Variants in HIF1AN observed in about 807,000 individuals in gnomAD.
The protein encoded by HIF1AN is hypoxia inducible factor 1 subunit alpha inhibitor.
A neutral mutation model predicts 47.7 loss-of-function variants in HIF1AN; 21 were observed. The observed-to-expected ratio is 0.44, with a 90% CI of 0.31 to 0.63. The LOEUF is 0.63. HIF1AN is among the 30% of genes least tolerant of loss of function. The pLI is 0.07. For missense variants in HIF1AN, 320 were observed against 432.7 expected, an observed-to-expected ratio of 0.74 and a Z score of 2.31; for synonymous variants, 152 against 155.9, an observed-to-expected ratio of 0.98 and a Z score of 0.18.
rs777658624 is a variant in HIF1AN, at chr10:100,540,651, C to T, written c.446C>T (p.Thr149Met). ...GGEERLYLQQ[T>M]LNDTVGRKIV... ...GAACATAGGTTGTATCTGCAGCAAA[C>T]GCTCAATGACACTGTGGGCAGGAAG... Residue 149 changes from threonine (T) to methionine (M), a missense_variant, in exon 3 of 8, where the codon ACG (threonine) becomes ATG (methionine). Thr to Met is a moderately conservative substitution (Grantham distance 81, BLOSUM62 -1). Transcript: ENST00000299163. The T allele has an allele frequency of 3.1e-6, 5 of 1,613,632 alleles. No homozygotes were observed. The highest frequency in any genetic ancestry group is 2.2e-5 in the East Asian group (1 of 44,848).
chr10:100,546,463 T>TC, intron 5 of HIF1AN, 55 bp from the exon 6 acceptor site: 4 of 323,196 alleles, frequency 1.2e-5, no homozygotes, highest in South Asian at 3.5e-5. Flanking sequence ...ACTTCGCCCC[T>TC]CCGCCCCCGC....
chr10:100,543,493 G>A (rs1328431606), intron 3 of HIF1AN, among the ~76,000 whole-genome samples: 3 of 152,196 alleles, frequency 2.0e-5, no homozygotes, highest in Middle Eastern at 3.4e-3. Context: ...GATTACAGAC[G>A]TGAGCCACTG....
chr10:100,542,272 T>G (rs965584542), intron 3 of HIF1AN, among the ~76,000 whole-genome samples: 1 of 152,210 alleles, frequency 6.6e-6, no homozygotes, highest in Admixed American at 6.5e-5. Flanking sequence ...CTCTACTAGA[T>G]CTGTCTATAT....
intron 2 of HIF1AN, among the ~76,000 whole-genome samples, chr10:100,538,591 G>A (rs1227797101): frequency 6.6e-6 from 1 of 152,074 alleles, no homozygotes; most frequent in Non-Finnish European, 1.5e-5. Context: ...AGCACTTCGG[G>A]AGGCAGATCA....
Position 100,554,376 on chromosome 10 carries a change from C to T in HIF1AN, c.*6239C>T, listed in dbSNP as rs1843196016. 6.6e-6 allele frequency: 1 copy of T among 152,286 alleles called. No homozygotes were observed. 9.4% of individuals were successfully genotyped at this position (152,286 alleles called of 1,614,324 possible). A position where few individuals can be genotyped will look rare whatever the true frequency, so the allele number is the denominator to read the frequency against. ...TGTTGGCCAGGTGTGGTGGCTCACA[C>T]CTGTAATCCCAGCACTTCGGGAGGC... On this transcript the variant is annotated 3_prime_UTR_variant, in exon 8 of 8. Coordinates refer to ENST00000299163, the MANE Select transcript of HIF1AN (RefSeq NM_017902.3).
Position 100,536,117 on chromosome 10 carries a change from G to A in HIF1AN, c.159G>A (p.Glu53=). The change falls in exon 1 of 8, where the codon GAG becomes GAA. Residue 53 remains glutamate, a synonymous_variant. Transcript: ENST00000299163. ...TGAGTCAGAGCGACCCCCGGGCAGA[G>A]GAGCTTATTGAGAATGAGGTGGGGG... ...PRLSQSDPRA[E]ELIENEEPVV... is the part of the protein sequence containing the mutation. 6.3e-7 allele frequency: 1 copy of A among 1,599,368 alleles called. No homozygotes were observed. Among genetic ancestry groups the A allele is most frequent in the South Asian group, 1.1e-5 (1 of 89,510 alleles).
chr10:100,547,888 G>C (rs144590990), intron 7 of HIF1AN, among the ~76,000 whole-genome samples: 2 of 152,086 alleles, frequency 1.3e-5, no homozygotes, highest in Non-Finnish European at 2.9e-5. Flanking sequence ...AAGAATAATA[G>C]TACAAGATGG....
Position 100,559,180 on chromosome 10 carries a change from A to G in HIF1AN, c.*11043A>G, listed in dbSNP as rs1564667703. 1 of 152,194 alleles carries G rather than the reference A, an allele frequency of 6.6e-6. No individual in the cohort carries two copies. Among genetic ancestry groups the G allele is most frequent in the Non-Finnish European group, 1.5e-5 (1 of 68,038 alleles). 9.4% of individuals were successfully genotyped at this position (152,194 alleles called of 1,614,324 possible). On this transcript the variant is annotated 3_prime_UTR_variant, in exon 8 of 8. Coordinates refer to ENST00000299163, the MANE Select transcript of HIF1AN (RefSeq NM_017902.3). ...AAGATTTCCTGTATTTATAAACTTA[A>G]TTTATTGGAAATATAAGTACTTGAT...
rs752353560 is a variant in HIF1AN, at chr10:100,548,117, A to G, written c.1030A>G (p.Ile344Val). The G allele has an allele frequency of 6.2e-7, 1 of 1,612,754 alleles. No individual in the cohort carries two copies. Among genetic ancestry groups the G allele is most frequent in the African/African-American group, 1.3e-5 (1 of 74,866 alleles). Reference sequence around the variant, plus strand: ...GGTGGGGCCCTTGTTGAACACAATGATCAAGGGCCGATACAACTAGCCTGC... The same window carrying G: ...GGTGGGGCCCTTGTTGAACACAATGGTCAAGGGCCGATACAACTAGCCTGC... ...QEVGPLLNTM[I>V]KGRYN Residue 344 changes from isoleucine (I) to valine (V), a missense_variant, in exon 8 of 8, where the codon ATC (isoleucine) becomes GTC (valine). This residue lies in a region of HIF1AN where 161 missense variants were observed against 272.8 expected (regional missense o/e 0.59). Coordinates refer to ENST00000299163, the MANE Select transcript of HIF1AN (RefSeq NM_017902.3).
chr10:100,538,455 ATAATTATT>A (rs1381370046), intron 2 of HIF1AN, among the ~76,000 whole-genome samples: 1 of 152,174 alleles, frequency 6.6e-6, no homozygotes, highest in Non-Finnish European at 1.5e-5. Flanking sequence ...GGGTGAATAT[ATAATTATT>A]ATCTTTGGGG....
At position 100,548,179 on chromosome 10, in the gene HIF1AN, C is replaced by A; in HGVS notation, c.*42C>A. 1.3e-6 allele frequency: 2 copies of A among 1,534,616 alleles called. No homozygotes were observed. Among genetic ancestry groups the A allele is most frequent in the Non-Finnish European group, 1.8e-6 (2 of 1,126,668 alleles). ...GCCTCCTGCCAGGTGACTGCTATCC[C>A]GTCCACACCGCTTCATTGATGAGGA... On this transcript the variant is annotated 3_prime_UTR_variant, in exon 8 of 8. Coordinates refer to ENST00000299163, the MANE Select transcript of HIF1AN (RefSeq NM_017902.3).
Position 100,545,010 on chromosome 10 carries a change from T to G in HIF1AN, c.637T>G (p.Tyr213Asp). 6.2e-7 allele frequency: 1 copy of G among 1,614,240 alleles called. No individual in the cohort carries two copies. The highest frequency in any genetic ancestry group is 2.2e-5 in the East Asian group (1 of 44,886). ...GAACTTTTTTGCTCAGATAAAAGGT[T>G]ACAAACGATGCATCTTATTCCCTCC... is the stretch of plus-strand genomic sequence containing the variant. ...QQNFFAQIKGYKRCILFPPDQ... is the reference protein window; with the variant it reads ...QQNFFAQIKGDKRCILFPPDQ... The change falls in exon 4 of 8, where the codon TAC (tyrosine) becomes GAC (aspartate). Residue 213 changes from tyrosine to aspartate, a missense_variant. Tyr to Asp is a radical substitution (Grantham distance 160, BLOSUM62 -3). Around this residue, in one of 2 missense-constraint regions of HIF1AN, gnomAD observed 161 missense variants for 272.8 expected, o/e 0.59. Coordinates refer to ENST00000299163, the MANE Select transcript of HIF1AN (RefSeq NM_017902.3).
intron 1 of HIF1AN, 70 bp downstream of exon 1, chr10:100,536,205 GAA>G: frequency 6.9e-7 from 1 of 1,441,352 alleles, no homozygotes; most frequent in South Asian, 1.3e-5. Flanking sequence ...GGTGAATGGT[GAA>G]AGAGATGGGA....
At chr10:100,537,417 T>C (rs959256224) in intron 2 of HIF1AN, among the ~76,000 whole-genome samples, 16 of 152,234 alleles carry the variant, frequency 1.1e-4, no homozygotes, top group African/African-American at 3.9e-4. Context: ...TTTGTAGCCA[T>C]TGTCCTTAAG....
rs1178053060 is a variant in HIF1AN, at chr10:100,535,943, GT to G, written c.-15del. 6.5e-7 allele frequency: 1 copy of G among 1,545,840 alleles called. No homozygotes were observed. The highest frequency in any genetic ancestry group is 1.4e-5 in the African/African-American group (1 of 72,472). ...GGAGCTTCCGGTTCCGGTGGGGGCC[GT>G]CCCTGGCGGCGGAGATGGCGGCGAC... On this transcript the variant is annotated 5_prime_UTR_variant, in exon 1 of 8. Coordinates refer to ENST00000299163, the MANE Select transcript of HIF1AN (RefSeq NM_017902.3).
At chr10:100,536,273 A>G in intron 1 of HIF1AN, 138 bp downstream of exon 1, 1 of 1,298,540 alleles carries the variant, frequency 7.7e-7, no homozygotes, top group East Asian at 2.3e-5. Context: ...AGGCGAGGAG[A>G]TACGGAACTT....
chr10:100,536,766 C>G, intron 2 of HIF1AN, 105 bp downstream of exon 2: 1 of 1,245,926 alleles, frequency 8.0e-7, no homozygotes, highest in East Asian at 2.3e-5. Context: ...AGATTGGCCT[C>G]TCCCATCTCT....
chr10:100,551,373 CAG>C lies in HIF1AN; in HGVS notation c.*3241_*3242del, dbSNP rs1052010135. The C allele has an allele frequency of 3.3e-5, 5 of 152,204 alleles. No individual in the cohort carries two copies. The highest frequency in any genetic ancestry group is 2.0e-4 in the Admixed American group (3 of 15,278). 9.4% of individuals were successfully genotyped at this position (152,204 alleles called of 1,614,324 possible). ...TCATTAATCTGAATCTGTTAGGAGA[CAG>C]AGAGGGGAAGGATCCTTATCAGTGG... On this transcript the variant is annotated 3_prime_UTR_variant, in exon 8 of 8. Coordinates refer to ENST00000299163, the MANE Select transcript of HIF1AN (RefSeq NM_017902.3).
intron 2 of HIF1AN, among the ~76,000 whole-genome samples, chr10:100,537,354 G>T (rs1001962351): frequency 2.6e-5 from 4 of 152,148 alleles, no homozygotes; most frequent in Non-Finnish European, 5.9e-5. Flanking sequence ...AAAAAAAGTT[G>T]CAGGGGGCCA....
Sources: gnomAD v4.1 joint callset for allele counts (sites outside exome capture counted in the v4.1 genomes callset) on GRCh38, gnomAD v4.1.1 for gene constraint, gnomAD v4.1.1 regional missense constraint, MANE v1.5 for transcripts, NCBI Gene and HGNC (gene_info 2026-07-23, HGNC 2026-07-21) for gene names.